ZNF98: variants seen among roughly 807,000 people sequenced by gnomAD.
ZNF98 encodes the protein zinc finger protein 98, also known as zinc finger protein 739.
In ZNF98, 8 loss-of-function variants were observed where a neutral mutation model predicts 12.8. The ratio of observed to expected loss-of-function variants is 0.63; its 90% CI spans 0.37 to 1.13. The LOEUF (loss-of-function observed/expected upper bound fraction) is 1.13, where lower values mean the gene tolerates loss of function less well. Ranked by LOEUF, ZNF98 falls within the 50% of genes most tolerant of loss-of-function variation. ZNF98 has a pLI of 0.01. For synonymous variants in ZNF98, 112 were observed against 223.5 expected, an observed-to-expected ratio of 0.50 and a Z score of 4.45; for missense variants, 379 against 666.1, an observed-to-expected ratio of 0.57 and a Z score of 4.74.
At chr19:22,412,854 T>G (rs1473942436) in intron 1 of ZNF98, among the ~76,000 whole-genome samples, 1 of 151,630 alleles carries the variant, frequency 6.6e-6, no homozygotes, top group Non-Finnish European at 1.5e-5. Flanking sequence ...AGATCGAGAC[T>G]ATCCTGGCTA....
At chr19:22,394,440 T>C (rs1052230349) in intron 3 of ZNF98, among the ~76,000 whole-genome samples, 9 of 152,144 alleles carry the variant, frequency 5.9e-5, no homozygotes, top group Non-Finnish European at 1.3e-4. Context: ...CCAACCCAAA[T>C]GTCCATCAAT....
chr19:22,419,887 G>T (rs1055808900), intron 1 of ZNF98, among the ~76,000 whole-genome samples: 1 of 152,050 alleles, frequency 6.6e-6, no homozygotes, highest in African/African-American at 2.4e-5. Context: ...GGCTGGGCAC[G>T]GTGGCTCAGC....
At position 22,392,950 on chromosome 19, in the gene ZNF98, C is replaced by T. The variant is rs201005982; in HGVS notation, c.285G>A (p.Trp95Ter). The T allele has an allele frequency of 3.0e-5, 47 of 1,556,966 alleles. No homozygotes were observed. The highest frequency in any genetic ancestry group is 4.1e-5 in the African/African-American group (3 of 72,868). The change falls in exon 4 of 4, where the codon TGG becomes TGA. Residue 95 changes from tryptophan to a stop codon, truncating the protein, a stop_gained. Coordinates refer to ENST00000357774, the MANE Select transcript of ZNF98 (RefSeq NM_001098626.2). LOFTEE classifies it low-confidence loss of function (END_TRUNC). ...VVYSYFAQDL[W>*]PKQGKKNYFQ... ...AATAATTTTTTTTGCCCTGCTTTGG[C>T]CAAAGGTCTTGGGCAAAATAAGAAT... is the stretch of plus-strand genomic sequence containing the variant.
At chr19:22,409,601 AC>A (rs1969558858) in intron 1 of ZNF98, among the ~76,000 whole-genome samples, 1 of 152,224 alleles carries the variant, frequency 6.6e-6, no homozygotes, top group East Asian at 1.9e-4. Context: ...CAAGAAAAAA[AC>A]AAACAATTCC....
intron 1 of ZNF98, among the ~76,000 whole-genome samples, chr19:22,407,113 G>C (rs1969528114): frequency 6.6e-6 from 1 of 151,828 alleles, no homozygotes; most frequent in Non-Finnish European, 1.5e-5. Context: ...CTGGAGTGCA[G>C]TGGCGCGATC....
rs796351306 is a variant in ZNF98, at chr19:22,416,445, C to T, written c.30+5750G>A. Among the ~76,000 whole-genome samples, 11 of 146,958 alleles carry T rather than the reference C, an allele frequency of 7.5e-5. No individual in the cohort carries two copies. The East Asian group carries it at 1.7e-3, about 22-fold the overall frequency. On this transcript the variant is annotated intron_variant, in intron 1 of 3. Transcript: ENST00000357774. ...GATCGCGCCACTGCACTCCAGCCTG[C>T]GTGACAGAGCAAGACTCCGTCTCAA...
intron 1 of ZNF98, among the ~76,000 whole-genome samples, chr19:22,417,169 C>T (rs1235995714): frequency 2.4e-5 from 3 of 125,286 alleles, no homozygotes; most frequent in Admixed American, 1.1e-4. Flanking sequence ...GCGGAGGTTG[C>T]GGTGAGCCAA....
intron 2 of ZNF98, 68 bp from the exon 3 acceptor site, chr19:22,402,952 T>A (rs1434426942): frequency 1.8e-5 from 26 of 1,453,770 alleles, no homozygotes; most frequent in African/African-American, 4.4e-5. Flanking sequence ...GTGTGTTCAG[T>A]AAAAAGGATG....
rs530773897 is a variant in ZNF98 at position 22,407,143 on chromosome 19, G to A, written c.31-3631C>T. Among the ~76,000 whole-genome samples, 107 of 151,874 alleles carry A rather than the reference G, an allele frequency of 7.0e-4. 1 individual carries two copies. The highest frequency in any genetic ancestry group is 2.4e-3 in the African/African-American group (101 of 41,536). ...GCGATCTTGGCTCACTGCAACCTCC[G>A]CCTCCTGGGTTCAAGCGATTCTGCT... On this transcript the variant is annotated intron_variant, in intron 1 of 3. Coordinates refer to ENST00000357774, the MANE Select transcript of ZNF98 (RefSeq NM_001098626.2).
chr19:22,421,277 A>C (rs1599392936), intron 1 of ZNF98, among the ~76,000 whole-genome samples: 2 of 152,354 alleles, frequency 1.3e-5, no homozygotes, highest in South Asian at 4.1e-4. Context: ...TAGGGAGAGG[A>C]AGTTGGCATT....
chr19:22,403,282 AAC>A, intron 2 of ZNF98, 102 bp downstream of exon 2: 1 of 1,221,000 alleles, frequency 8.2e-7, no homozygotes, highest in Non-Finnish European at 1.1e-6. Flanking sequence ...AAAAAAAAAA[AAC>A]AGAGATCTGA....
intron 1 of ZNF98, among the ~76,000 whole-genome samples, chr19:22,415,948 AAACTACAGAC>A: frequency 1.1e-5 from 1 of 87,774 alleles, no homozygotes; most frequent in East Asian, 3.7e-4. Context: ...AAAAAAAAAA[AAACTACAGAC>A]ACACACACAC....
At chr19:22,399,648 CAT>C (rs1440955944) in intron 3 of ZNF98, among the ~76,000 whole-genome samples, 1 of 152,130 alleles carries the variant, frequency 6.6e-6, no homozygotes, top group Non-Finnish European at 1.5e-5. Context: ...TCAGACATAA[CAT>C]GTCAATTTTA....
intron 1 of ZNF98, among the ~76,000 whole-genome samples, chr19:22,405,391 T>C (rs1029146603): frequency 1.3e-5 from 2 of 150,352 alleles, no homozygotes; most frequent in African/African-American, 2.5e-5. Context: ...GCACCTGAGG[T>C]ATCCAGGTTC....
At chr19:22,418,647 G>A (rs967146933) in intron 1 of ZNF98, among the ~76,000 whole-genome samples, 23 of 152,326 alleles carry the variant, frequency 1.5e-4, no homozygotes, top group East Asian at 5.8e-4. Flanking sequence ...GAGAGGCTGA[G>A]GCAGGTGGAT....
intron 1 of ZNF98, among the ~76,000 whole-genome samples, chr19:22,413,142 T>C (rs760295746): frequency 6.6e-6 from 1 of 151,956 alleles, no homozygotes; most frequent in Non-Finnish European, 1.5e-5. Flanking sequence ...TGAATACACA[T>C]AACCTGGAAT....
intron 3 of ZNF98, among the ~76,000 whole-genome samples, chr19:22,400,259 T>C (rs774812858): frequency 5.1e-4 from 78 of 152,116 alleles, no homozygotes; most frequent in African/African-American, 1.8e-3. Flanking sequence ...TGAAGCAGTT[T>C]CATGACTCAG....
intron 1 of ZNF98, among the ~76,000 whole-genome samples, chr19:22,420,285 G>A (rs997404194): frequency 3.9e-5 from 6 of 152,148 alleles, no homozygotes; most frequent in African/African-American, 1.4e-4. Context: ...CACTCTCTTA[G>A]GAGACAGTGC....
At chr19:22,410,824 G>T (rs551526417) in intron 1 of ZNF98, among the ~76,000 whole-genome samples, 1 of 152,238 alleles carries the variant, frequency 6.6e-6, no homozygotes, top group African/African-American at 2.4e-5. Context: ...TCCCGTCAAG[G>T]CTGATGTTGC....
Sources: allele counts gnomAD v4.1 joint callset (sites outside exome capture counted in the v4.1 genomes callset), GRCh38; gene constraint gnomAD v4.1.1; transcripts MANE v1.5; gene names NCBI Gene and HGNC (gene_info 2026-07-23, HGNC 2026-07-21).